EFCAB13: variants seen among roughly 807,000 people sequenced by gnomAD.
EFCAB13 encodes EF-hand calcium-binding domain-containing protein 13.
Under a neutral mutation model 110.2 loss-of-function variants are expected in EFCAB13, and 91 were observed. The observed-to-expected ratio is 0.83, with a 90% CI of 0.70 to 0.98. The LOEUF (loss-of-function observed/expected upper bound fraction) is 0.98. Ranked by LOEUF, EFCAB13 falls within the 50% of genes least tolerant of loss-of-function variation. The pLI, the probability that EFCAB13 is intolerant of heterozygous loss-of-function variation, is 0.00. For synonymous variants in EFCAB13, 323 were observed against 369.9 expected (o/e 0.87, Z 1.45); for missense variants, 968 against 1,119.4 (o/e 0.86, Z 1.93).
At chr17:47,346,433 A>T (rs866224890) in intron 8 of EFCAB13, among the ~76,000 whole-genome samples, 1 of 94,386 alleles carries the variant, frequency 1.1e-5, no homozygotes, top group African/African-American at 4.3e-5. Flanking sequence ...AACGTACTTT[A>T]CCCCCCCCCC....
intron 9 of EFCAB13, among the ~76,000 whole-genome samples, chr17:47,356,263 A>C (rs375806338): frequency 6.6e-6 from 1 of 152,116 alleles, no homozygotes; most frequent in East Asian, 1.9e-4. Context: ...GATGTAAAAG[A>C]ACGTTGTTTT....
At chr17:47,385,334 G>A (rs576353404) in intron 14 of EFCAB13, among the ~76,000 whole-genome samples, 16 of 151,914 alleles carry the variant, frequency 1.1e-4, no homozygotes, top group Non-Finnish European at 2.1e-4. Flanking sequence ...TGGAGGCTTC[G>A]TTCATTCCTT....
chr17:47,440,879 G>T lies in EFCAB13; in HGVS notation c.*165G>T. The T allele has an allele frequency of 1.9e-6, 1 of 526,990 alleles. No individual in the cohort carries two copies. Among genetic ancestry groups the T allele is most frequent in the East Asian group, 3.4e-5 (1 of 29,456 alleles). 32.6% of individuals were successfully genotyped at this position (526,990 alleles called of 1,614,324 possible). On this transcript the variant is annotated 3_prime_UTR_variant, in exon 25 of 25. Coordinates refer to ENST00000331493, the MANE Select transcript of EFCAB13 (RefSeq NM_152347.5). ...CTCATGTATCTTCAGCGACTCTCTT[G>T]ATCACACTTTTTAAACATTCATGCT...
At chr17:47,412,572 T>C (rs1457433961) in intron 21 of EFCAB13, among the ~76,000 whole-genome samples, 2 of 152,252 alleles carry the variant, frequency 1.3e-5, no homozygotes, top group Non-Finnish European at 2.9e-5. Context: ...CATATTATTC[T>C]CTTTGCCATA....
intron 11 of EFCAB13, among the ~76,000 whole-genome samples, chr17:47,374,234 T>C (rs1402101507): frequency 6.6e-6 from 1 of 152,194 alleles, no homozygotes; most frequent in Non-Finnish European, 1.5e-5. Context: ...TTAGTTTTAC[T>C]GTAACTTTAA....
intron 23 of EFCAB13, among the ~76,000 whole-genome samples, chr17:47,420,062 C>T (rs1332060695): frequency 1.3e-5 from 2 of 152,140 alleles, no homozygotes; most frequent in Non-Finnish European, 2.9e-5. Context: ...ATTCTCCTGC[C>T]TCAGCCTGCC....
At chr17:47,420,606 C>G (rs1904635254) in intron 23 of EFCAB13, among the ~76,000 whole-genome samples, 1 of 152,190 alleles carries the variant, frequency 6.6e-6, no homozygotes, top group South Asian at 2.1e-4. Context: ...GCCGCCCCAT[C>G]TGGGATGTGA....
rs529986255 is a variant in EFCAB13 at position 47,385,636 on chromosome 17, C to T, written c.1583-5801C>T. Among the ~76,000 whole-genome samples the T allele has an allele frequency of 2.5e-3, 382 of 152,142 alleles. 4 individuals are homozygous for T. The highest frequency in any genetic ancestry group is 9.0e-3 in the African/African-American group (373 of 41,514). On this transcript the variant is annotated intron_variant, in intron 14 of 24. Transcript: ENST00000331493. Reference sequence around the variant, plus strand: ...TTTGTTATTACCCACCTTCTGAAGCCTACGTCTGTCAAATCATCAAACTCA... The same window carrying T: ...TTTGTTATTACCCACCTTCTGAAGCTTACGTCTGTCAAATCATCAAACTCA...
Position 47,431,304 on chromosome 17 carries a change from T to C in EFCAB13, c.2638+1343T>C, listed in dbSNP as rs1429296295. On this transcript the variant is annotated intron_variant, in intron 24 of 24. Transcript: ENST00000331493. This position sits in a 1 kb window ranked among gnomAD's most constrained non-coding sequence, Gnocchi z 4.1. Reference sequence around the variant, plus strand: ...TTTTCTTTGTTTTTTTTTAACTCTTTTTTTTCCTTTTTTCAGTCAGCTTCC... The same window carrying C: ...TTTTCTTTGTTTTTTTTTAACTCTTCTTTTTCCTTTTTTCAGTCAGCTTCC... Among the ~76,000 whole-genome samples the C allele has an allele frequency of 6.6e-6, 1 of 151,992 alleles. No individual in the cohort carries two copies. The highest frequency in any genetic ancestry group is 2.4e-5 in the African/African-American group (1 of 41,424).
At chr17:47,413,776 C>T (rs185209648) in intron 22 of EFCAB13, among the ~76,000 whole-genome samples, 3 of 152,102 alleles carry the variant, frequency 2.0e-5, no homozygotes, top group African/African-American at 7.2e-5. Context: ...ATTTAGGCCT[C>T]CTTGTTTATT....
intron 2 of EFCAB13, among the ~76,000 whole-genome samples, chr17:47,324,850 A>C (rs971421877): frequency 6.7e-6 from 1 of 149,082 alleles, no homozygotes; most frequent in Admixed American, 6.7e-5. Flanking sequence ...AACTCCTTGA[A>C]AGAGCCTACC....
intron 1 of EFCAB13, 59 bp from the exon 2 acceptor site, chr17:47,324,395 T>A (rs2065268151): frequency 6.6e-6 from 1 of 152,118 alleles, no homozygotes; most frequent in South Asian, 2.1e-4. Flanking sequence ...ATTAGCACAC[T>A]CATTTCCATC....
At chr17:47,413,682 C>G (rs978944160) in intron 22 of EFCAB13, among the ~76,000 whole-genome samples, 10 of 152,124 alleles carry the variant, frequency 6.6e-5, no homozygotes, top group African/African-American at 2.4e-4. Flanking sequence ...TAAATTTAGA[C>G]TTCACACCCA....
At chr17:47,424,053 G>A (rs1177158029) in intron 23 of EFCAB13, among the ~76,000 whole-genome samples, 1 of 152,158 alleles carries the variant, frequency 6.6e-6, no homozygotes, top group African/African-American at 2.4e-5. Context: ...CGGGAGGTGC[G>A]CGCTCGGGGT....
At chr17:47,425,120 G>A (rs2143507059) in intron 23 of EFCAB13, among the ~76,000 whole-genome samples, 1 of 151,118 alleles carries the variant, frequency 6.6e-6, no homozygotes. Context: ...CTGACCTCGT[G>A]ATCCGCCCGC....
chr17:47,384,699 CAG>C, intron 14 of EFCAB13, among the ~76,000 whole-genome samples: 1 of 152,140 alleles, frequency 6.6e-6, no homozygotes, highest in Non-Finnish European at 1.5e-5. Context: ...AGGTTTTCTG[CAG>C]AGAGATCTGC....
At chr17:47,366,269 G>A (rs1305319591) in intron 10 of EFCAB13, among the ~76,000 whole-genome samples, 3 of 152,000 alleles carry the variant, frequency 2.0e-5, no homozygotes, top group African/African-American at 7.2e-5. Flanking sequence ...GCAGTTCTTA[G>A]AGGGTCAGGT....
intron 17 of EFCAB13, among the ~76,000 whole-genome samples, chr17:47,398,421 G>A (rs1219378681): frequency 1.3e-4 from 20 of 151,164 alleles, no homozygotes; most frequent in African/African-American, 4.1e-4. Flanking sequence ...GAATAGAAAG[G>A]GGGGAAAGGT....
In EFCAB13 at chr17:47,374,548, A is replaced by G. The variant is rs1421109566; in HGVS notation, c.954A>G (p.Lys318=). The G allele has an allele frequency of 6.3e-7, 1 of 1,587,020 alleles. No homozygotes were observed. Among genetic ancestry groups the G allele is most frequent in the Admixed American group, 1.9e-5 (1 of 51,894 alleles). Residue 318 remains lysine (K), a synonymous_variant, in exon 12 of 25, where the codon AAA becomes AAG. Coordinates refer to ENST00000331493, the MANE Select transcript of EFCAB13 (RefSeq NM_152347.5). ...CAAGTGTAGCAGGATGCTATCTAAAATATAAGAAGAAAAATAGTTTGTCTT... is the reference window on the plus strand; with the variant it reads ...CAAGTGTAGCAGGATGCTATCTAAAGTATAAGAAGAAAAATAGTTTGTCTT... The part of the protein sequence containing the change: ...KLSSVAGCYL[K]YKKKNSLSSK...
Sources: allele counts gnomAD v4.1 joint callset (sites outside exome capture counted in the v4.1 genomes callset), GRCh38; gene constraint gnomAD v4.1.1; non-coding constraint Gnocchi (gnomAD v3.1); transcripts MANE v1.5; gene names NCBI Gene and HGNC (gene_info 2026-07-23, HGNC 2026-07-21).